CDH12: variants seen among roughly 807,000 people sequenced by gnomAD.
The protein encoded by CDH12 is cadherin 12, also known as cadherin-12.
In CDH12, 41 loss-of-function variants were observed where a neutral mutation model predicts 74.1. The observed-to-expected ratio is 0.55, with a 90% CI of 0.43 to 0.72. The LOEUF (loss-of-function observed/expected upper bound fraction) is 0.72, where lower values mean the gene tolerates loss of function less well. Among genes scored for constraint, CDH12 ranks in the 30% least tolerant of loss-of-function variants. The pLI is 0.00. For missense variants in CDH12, 945 were observed against 977.2 expected (o/e 0.97, Z 0.44); for synonymous variants, 399 against 355.0 (o/e 1.12, Z -1.39).
chr5:22,070,612 G>A (rs2150216091), intron 5 of CDH12, among the ~76,000 whole-genome samples: 1 of 152,228 alleles, frequency 6.6e-6, no homozygotes, highest in South Asian at 2.1e-4. Context: ...TCTTCCCCAG[G>A]TCATCCGATT....
intron 2 of CDH12, among the ~76,000 whole-genome samples, chr5:22,413,903 C>T (rs1743270049): frequency 6.6e-6 from 1 of 151,658 alleles, no homozygotes; most frequent in South Asian, 2.1e-4. Context: ...TATTGAATGC[C>T]CTTTCTCTCT....
chr5:22,408,914 C>T (rs1743063915), intron 2 of CDH12, among the ~76,000 whole-genome samples: 1 of 151,820 alleles, frequency 6.6e-6, no homozygotes, highest in Non-Finnish European at 1.5e-5. Context: ...ATAATTAATG[C>T]TTTCTGAATA....
intron 1 of CDH12, among the ~76,000 whole-genome samples, chr5:22,517,355 T>C (rs1466326575): frequency 6.6e-6 from 1 of 152,146 alleles, no homozygotes; most frequent in East Asian, 1.9e-4. Flanking sequence ...TTTAGTCGTT[T>C]AAAAAATCTC....
intron 2 of CDH12, among the ~76,000 whole-genome samples, chr5:22,478,745 G>C (rs1390686123): frequency 6.6e-6 from 1 of 151,788 alleles, no homozygotes; most frequent in Non-Finnish European, 1.5e-5. Context: ...AAATCGCAAA[G>C]TGCTTCCATT....
At chr5:21,889,875 T>C (rs1216218183) in intron 6 of CDH12, 6 of 984,920 alleles carry the variant, frequency 6.1e-6, no homozygotes, top group Non-Finnish European at 7.2e-6. Context: ...CAGAGCTGCT[T>C]TTCTTAGCAT....
chr5:22,117,491 A>ATATATATAT (rs1745223287), intron 4 of CDH12, among the ~76,000 whole-genome samples: 5 of 64,174 alleles, frequency 7.8e-5, no homozygotes, highest in African/African-American at 2.8e-4. Context: ...TATATATATT[A>ATATATATAT]TATATATATA....
At chr5:21,764,689 T>G (rs1474223127) in intron 12 of CDH12, among the ~76,000 whole-genome samples, 1 of 149,042 alleles carries the variant, frequency 6.7e-6, no homozygotes, top group Non-Finnish European at 1.5e-5. Flanking sequence ...GGAAAGAAAT[T>G]CAACAGTAGG....
At chr5:22,233,346 G>T (rs772201542) in intron 3 of CDH12, among the ~76,000 whole-genome samples, 1 of 151,728 alleles carries the variant, frequency 6.6e-6, no homozygotes, top group African/African-American at 2.4e-5. Flanking sequence ...AGTAGTATCC[G>T]TATAATTCTG....
intron 4 of CDH12, among the ~76,000 whole-genome samples, chr5:22,165,011 A>T (rs1020510208): frequency 3.4e-5 from 5 of 147,254 alleles, no homozygotes; most frequent in African/African-American, 1.3e-4. Flanking sequence ...GAATTAATTC[A>T]TCATTTCATC....
intron 5 of CDH12, among the ~76,000 whole-genome samples, chr5:21,985,020 T>C (rs531205954): frequency 7.9e-5 from 12 of 152,042 alleles, no homozygotes; most frequent in Non-Finnish European, 1.5e-4. Context: ...TCATATTCAA[T>C]ACCCCCACTT....
chr5:22,763,435 CTGAG>C (rs1401400637), intron 1 of CDH12, among the ~76,000 whole-genome samples: 1 of 151,830 alleles, frequency 6.6e-6, no homozygotes, highest in South Asian at 2.1e-4. Context: ...ATTAACATAA[CTGAG>C]TATTTTTTAA....
At chr5:22,537,717 A>G (rs981940869) in intron 1 of CDH12, among the ~76,000 whole-genome samples, 3 of 152,188 alleles carry the variant, frequency 2.0e-5, no homozygotes, top group Non-Finnish European at 4.4e-5. Context: ...TAAAAAAACA[A>G]TAAATACTCT....
rs532078637 is a variant in CDH12 at position 22,694,015 on chromosome 5, T to C, written c.-523+159043A>G. Among the ~76,000 whole-genome samples, 5 of 152,140 alleles carry C rather than the reference T, an allele frequency of 3.3e-5. No homozygotes were observed. In the South Asian group the frequency reaches 6.2e-4, roughly 19 times the overall value. Reference sequence around the variant, plus strand: ...AGTGCAGTGGTGTGTTCATAGCTCATTGCAGCCTTAAACTACAGGGCTCAA... The same window carrying C: ...AGTGCAGTGGTGTGTTCATAGCTCACTGCAGCCTTAAACTACAGGGCTCAA... On this transcript the variant is annotated intron_variant, in intron 1 of 14. Transcript: ENST00000382254.
intron 1 of CDH12, among the ~76,000 whole-genome samples, chr5:22,505,851 T>A (rs271098): frequency 2.6e-5 from 4 of 152,040 alleles, no homozygotes; most frequent in Non-Finnish European, 5.9e-5. Context: ...GTATTTCTCA[T>A]GATTAGACTG....
intron 3 of CDH12, among the ~76,000 whole-genome samples, chr5:22,385,201 A>G (rs906529312): frequency 1.3e-5 from 2 of 152,214 alleles, no homozygotes; most frequent in Non-Finnish European, 2.9e-5. Context: ...TAAGAAAAAT[A>G]TATAGATATT....
intron 3 of CDH12, among the ~76,000 whole-genome samples, chr5:22,333,047 C>T (rs1274392341): frequency 1.3e-5 from 2 of 152,032 alleles, no homozygotes; most frequent in Admixed American, 6.6e-5. Context: ...TTTACAATAA[C>T]AAATACATGG....
chr5:21,838,491 C>T (rs1320584147), intron 8 of CDH12, among the ~76,000 whole-genome samples: 2 of 151,980 alleles, frequency 1.3e-5, no homozygotes, highest in African/African-American at 4.8e-5. Flanking sequence ...ACCTGGGAGG[C>T]GGAGGTGGCA....
chr5:22,831,355 GTGTGTGTGTGTGTGTC>G (rs1428433791), intron 1 of CDH12, among the ~76,000 whole-genome samples: 8 of 134,790 alleles, frequency 5.9e-5, no homozygotes, highest in African/African-American at 8.7e-5. Flanking sequence ...TGGAGTTTGT[GTGTGTGTGTGTGTGTC>G]TGTGTGTGTG....
chr5:22,181,853 A>T (rs1051434143), intron 4 of CDH12, among the ~76,000 whole-genome samples: 3 of 152,050 alleles, frequency 2.0e-5, no homozygotes, highest in African/African-American at 7.2e-5. Flanking sequence ...ATATATGAGT[A>T]CTTAAAATTT....
Sources: gnomAD v4.1 joint callset for allele counts (sites outside exome capture counted in the v4.1 genomes callset) on GRCh38, gnomAD v4.1.1 for gene constraint, MANE v1.5 for transcripts, NCBI Gene and HGNC (gene_info 2026-07-23, HGNC 2026-07-21) for gene names.